Variants in DLG2 observed in about 807,000 individuals in gnomAD.
DLG2 encodes disks large homolog 2.
Under a neutral mutation model 132.5 loss-of-function variants are expected in DLG2, and 45 were observed. The ratio of observed to expected loss-of-function variants is 0.34; its 90% CI spans 0.27 to 0.44. The LOEUF is 0.44. Among genes scored for constraint, DLG2 ranks in the 20% least tolerant of loss-of-function variants. DLG2 has a pLI of 1.00. For synonymous variants in DLG2, 424 were observed against 419.6 expected (o/e 1.01, Z -0.13); for missense variants, 1,045 against 1,196.9 (o/e 0.87, Z 1.87).
intron 6 of DLG2, among the ~76,000 whole-genome samples, chr11:84,714,398 G>C (rs1333944767): frequency 2.0e-5 from 3 of 152,046 alleles, no homozygotes; most frequent in Non-Finnish European, 2.9e-5. Flanking sequence ...CAGGAAAAAG[G>C]GGTCTGGGAG....
At chr11:84,826,853 A>G (rs536963801) in intron 6 of DLG2, among the ~76,000 whole-genome samples, 4 of 151,926 alleles carry the variant, frequency 2.6e-5, no homozygotes, top group Admixed American at 6.6e-5. Flanking sequence ...AATCTTATTT[A>G]TTTTTCTAAT....
intron 3 of DLG2, among the ~76,000 whole-genome samples, chr11:85,497,043 C>T (rs569634000): frequency 4.7e-4 from 71 of 151,976 alleles, no homozygotes; most frequent in South Asian, 8.3e-4. Context: ...AACAACTCCT[C>T]GCCAGCAAGG....
chr11:84,154,774 T>A (rs927641864), intron 9 of DLG2, among the ~76,000 whole-genome samples: 5 of 152,114 alleles, frequency 3.3e-5, no homozygotes, highest in African/African-American at 1.2e-4. Flanking sequence ...CTGCGATAGT[T>A]TACTGAGAAT....
intron 6 of DLG2, among the ~76,000 whole-genome samples, chr11:84,589,757 T>G (rs1425968890): frequency 6.6e-6 from 1 of 152,186 alleles, no homozygotes; most frequent in African/African-American, 2.4e-5. Flanking sequence ...CTCTGTCACC[T>G]CCGGCTATGG....
At chr11:85,499,053 G>A (rs968620473) in intron 3 of DLG2, among the ~76,000 whole-genome samples, 3 of 151,616 alleles carry the variant, frequency 2.0e-5, no homozygotes, top group African/African-American at 7.3e-5. Context: ...AGAAGCAAGA[G>A]CAAACAAATT....
intron 12 of DLG2, among the ~76,000 whole-genome samples, chr11:83,978,570 GCAAA>G (rs1009778013): frequency 8.6e-5 from 13 of 151,928 alleles, no homozygotes; most frequent in South Asian, 2.1e-4. Context: ...AAACAAACAA[GCAAA>G]CAAACAAACA....
intron 10 of DLG2, among the ~76,000 whole-genome samples, chr11:84,072,135 G>A (rs2096767024): frequency 6.6e-6 from 1 of 152,210 alleles, no homozygotes. Flanking sequence ...TGGTAGCACT[G>A]ATCACAGGGT....
At chr11:84,687,719 T>C (rs1376213480) in intron 6 of DLG2, among the ~76,000 whole-genome samples, 3 of 152,274 alleles carry the variant, frequency 2.0e-5, no homozygotes, top group Admixed American at 2.0e-4. Context: ...CAGGTTTCAT[T>C]TGAGTAAATT....
chr11:84,662,703 C>A (rs1233194496), intron 6 of DLG2, among the ~76,000 whole-genome samples: 1 of 148,468 alleles, frequency 6.7e-6, no homozygotes, highest in Admixed American at 6.9e-5. Flanking sequence ...AGGAGAATCG[C>A]TTGAACCTGG....
Position 83,974,466 on chromosome 11 carries a change from TG to T in DLG2, c.1056+6039del, listed in dbSNP as rs1010753351. On this transcript the variant is annotated intron_variant, in intron 12 of 27. Transcript: ENST00000376104. Reference sequence around the variant, plus strand: ...CACTAAACACTAGTTTTAGGTGTTTTGTTAAGTATTACTCTAAGAAGAAGGC... The same window carrying T: ...CACTAAACACTAGTTTTAGGTGTTTTTTAAGTATTACTCTAAGAAGAAGGC... 1.9e-3 allele frequency among the ~76,000 whole-genome samples: 10 copies of T among 5,140 alleles called. No individual in the cohort carries two copies. The African/African-American group carries it at 0.026, about 13-fold the overall frequency. The allele number at this position is 5,140 out of a possible 152,430, so 3.4% of individuals were successfully genotyped here. A position where few individuals can be genotyped will look rare whatever the true frequency, so the allele number is the denominator to read the frequency against.
chr11:85,343,063 T>C (rs1462425508), intron 3 of DLG2, among the ~76,000 whole-genome samples: 7 of 152,216 alleles, frequency 4.6e-5, no homozygotes, highest in Admixed American at 2.0e-4. Context: ...TACCTTTATA[T>C]GTCAATAAAT....
At chr11:85,108,007 AAC>A (rs10654409) in intron 6 of DLG2, among the ~76,000 whole-genome samples, 18 of 142,312 alleles carry the variant, frequency 1.3e-4, no homozygotes, top group Non-Finnish European at 2.3e-4. Flanking sequence ...CAAACAAATA[AAC>A]ACACACACAC....
intron 11 of DLG2, among the ~76,000 whole-genome samples, chr11:84,049,531 G>C (rs2096312803): frequency 1.3e-5 from 2 of 151,646 alleles, no homozygotes; most frequent in African/African-American, 4.8e-5. Context: ...GATCTACCTT[G>C]CACTCCCCAC....
chr11:84,720,853 G>T (rs1310910354), intron 6 of DLG2: 1 of 147,026 alleles, frequency 6.8e-6, no homozygotes, highest in Non-Finnish European at 1.5e-5. Flanking sequence ...AGAAGAAGAA[G>T]AAGAAAACAT....
At chr11:85,377,020 T>G (rs2085460844) in intron 3 of DLG2, among the ~76,000 whole-genome samples, 1 of 152,196 alleles carries the variant, frequency 6.6e-6, no homozygotes, top group South Asian at 2.1e-4. Context: ...GAAATAGGTA[T>G]TATTATTACC....
Position 83,906,278 on chromosome 11 carries a change from C to G in DLG2, c.1496+24050G>C, listed in dbSNP as rs747167818. On this transcript the variant is annotated intron_variant, in intron 15 of 27. Transcript: ENST00000376104. ...TCTCTCACACACACACACACACACA[C>G]ACACACACACACACACACACACACA... 1.4e-3 allele frequency among the ~76,000 whole-genome samples: 156 copies of G among 113,794 alleles called. 7 individuals carry two copies. The Middle Eastern group carries it at 0.067, about 49-fold the overall frequency. 74.7% of individuals were successfully genotyped at this position (113,794 alleles called of 152,430 possible).
chr11:84,530,816 A>G (rs1251744953), intron 7 of DLG2, among the ~76,000 whole-genome samples: 1 of 152,230 alleles, frequency 6.6e-6, no homozygotes, highest in Non-Finnish European at 1.5e-5. Flanking sequence ...GTTAAGACAC[A>G]CGCAAAGGTA....
chr11:85,276,585 G>A (rs1201645242), intron 4 of DLG2, among the ~76,000 whole-genome samples: 2 of 152,202 alleles, frequency 1.3e-5, no homozygotes, highest in East Asian at 3.9e-4. Context: ...GTAATTTGAA[G>A]GATAGGGTGA....
intron 19 of DLG2, among the ~76,000 whole-genome samples, chr11:83,560,763 A>T (rs1003819250): frequency 1.3e-5 from 2 of 152,170 alleles, no homozygotes; most frequent in African/African-American, 4.8e-5. Context: ...TAAAGTCAAG[A>T]GGGGGAAAAA....
Sources: gnomAD v4.1 joint callset for allele counts (sites outside exome capture counted in the v4.1 genomes callset) on GRCh38, gnomAD v4.1.1 for gene constraint, MANE v1.5 for transcripts, NCBI Gene and HGNC (gene_info 2026-07-23, HGNC 2026-07-21) for gene names.